Variants in FCHO2 observed in about 807,000 individuals in gnomAD.
FCHO2 encodes the protein FCH and mu domain containing endocytic adaptor 2.
In FCHO2, 43 loss-of-function variants were observed where a neutral mutation model predicts 114.1. That is an observed-to-expected ratio of 0.38 (90% CI 0.30 to 0.49). The LOEUF (loss-of-function observed/expected upper bound fraction) is 0.49. Among genes scored for constraint, FCHO2 ranks in the 20% least tolerant of loss-of-function variants. The pLI is 0.97. For synonymous variants in FCHO2, 293 were observed against 315.2 expected, an observed-to-expected ratio of 0.93 and a Z score of 0.75; for missense variants, 807 against 950.4, an observed-to-expected ratio of 0.85 and a Z score of 1.98.
intron 2 of FCHO2, among the ~76,000 whole-genome samples, chr5:72,989,045 C>T (rs1753688685): frequency 6.6e-6 from 1 of 151,892 alleles, no homozygotes; most frequent in Admixed American, 6.6e-5. Flanking sequence ...CCCATCTCTA[C>T]AAAAAAATAC....
chr5:73,039,722 G>C (rs760430086), intron 10 of FCHO2, among the ~76,000 whole-genome samples: 1 of 151,374 alleles, frequency 6.6e-6, no homozygotes, highest in Non-Finnish European at 1.5e-5. Flanking sequence ...GAGGTCAGGA[G>C]TTCAAGACCA....
chr5:73,087,991 A>T, intron 25 of FCHO2, 77 bp from the exon 26 acceptor site: 1 of 1,582,554 alleles, frequency 6.3e-7, no homozygotes, highest in Non-Finnish European at 8.6e-7. Context: ...AGAGTTTTGT[A>T]TTGGTAACCA....
intron 8 of FCHO2, among the ~76,000 whole-genome samples, chr5:73,025,393 T>C (rs924023412): frequency 6.6e-5 from 10 of 150,926 alleles, no homozygotes; most frequent in Middle Eastern, 3.4e-3. Flanking sequence ...TTTTTTTTTT[T>C]TTGAGATGGA....
At chr5:73,012,551 A>G (rs995406211) in intron 6 of FCHO2, among the ~76,000 whole-genome samples, 3 of 150,662 alleles carry the variant, frequency 2.0e-5, no homozygotes, top group Admixed American at 1.3e-4. Context: ...CCCATGAGGC[A>G]GAGGTTGCAG....
intron 6 of FCHO2, among the ~76,000 whole-genome samples, chr5:73,008,828 G>A (rs1754850888): frequency 6.6e-6 from 1 of 152,112 alleles, no homozygotes; most frequent in Admixed American, 6.5e-5. Context: ...GATCCTGCTG[G>A]TAGTATTATG....
At chr5:72,958,018 C>CT (rs1465025038) in intron 1 of FCHO2, among the ~76,000 whole-genome samples, 1 of 148,240 alleles carries the variant, frequency 6.7e-6, no homozygotes, top group Non-Finnish European at 1.5e-5. Context: ...ATTGGGTTGT[C>CT]TTTTTTTATA....
At chr5:72,970,790 G>A (rs573580094) in intron 2 of FCHO2, among the ~76,000 whole-genome samples, 4 of 151,842 alleles carry the variant, frequency 2.6e-5, no homozygotes, top group South Asian at 2.1e-4. Context: ...GTGCTGGTGC[G>A]CTGCACCCAC....
rs180971271 is a variant in FCHO2 at position 72,969,146 on chromosome 5, A to G, written c.125+557A>G. Reference sequence around the variant, plus strand: ...TCAAAAGCTGCTATCCTACTAACTTAAAGCTATTTTGTGGCTACCCCAACT... The same window carrying G: ...TCAAAAGCTGCTATCCTACTAACTTGAAGCTATTTTGTGGCTACCCCAACT... On this transcript the variant is annotated intron_variant, in intron 2 of 25. Coordinates refer to ENST00000430046, the MANE Select transcript of FCHO2 (RefSeq NM_138782.3). Among the ~76,000 whole-genome samples, 9 of 152,346 alleles carry G rather than the reference A, an allele frequency of 5.9e-5. No homozygotes were observed. In the East Asian group the frequency reaches 1.7e-3, roughly 29 times the overall value.
At chr5:72,989,865 AC>A in intron 3 of FCHO2, among the ~76,000 whole-genome samples, 1 of 152,016 alleles carries the variant, frequency 6.6e-6, no homozygotes, top group South Asian at 2.1e-4. Context: ...CTTAAGATAA[AC>A]TTTATTGAAA....
At chr5:73,012,437 G>A (rs1211833597) in intron 6 of FCHO2, among the ~76,000 whole-genome samples, 2 of 151,866 alleles carry the variant, frequency 1.3e-5, no homozygotes, top group Non-Finnish European at 2.9e-5. Context: ...ACTGGCCAAC[G>A]TGGTGAAACT....
At chr5:73,035,509 T>C (rs1248466209) in intron 9 of FCHO2, among the ~76,000 whole-genome samples, 1 of 152,070 alleles carries the variant, frequency 6.6e-6, no homozygotes, top group African/African-American at 2.4e-5. Flanking sequence ...CTCTTCTGTT[T>C]TTATTTTTTG....
intron 8 of FCHO2, among the ~76,000 whole-genome samples, chr5:73,027,158 T>G (rs1342888162): frequency 6.6e-6 from 1 of 151,980 alleles, no homozygotes; most frequent in Non-Finnish European, 1.5e-5. Flanking sequence ...TTTGTATATC[T>G]TTTTATATTC....
At chr5:72,964,866 A>G (rs1752104907) in intron 1 of FCHO2, among the ~76,000 whole-genome samples, 1 of 152,204 alleles carries the variant, frequency 6.6e-6, no homozygotes, top group Admixed American at 6.5e-5. Flanking sequence ...ATTAAATGGA[A>G]AATTCCAGAA....
intron 5 of FCHO2, among the ~76,000 whole-genome samples, chr5:73,004,132 A>G (rs2112709100): frequency 6.6e-6 from 1 of 151,804 alleles, no homozygotes; most frequent in South Asian, 2.1e-4. Context: ...AAATACAGGT[A>G]TTAGAAGAAC....
chr5:73,086,053 C>T (rs1235386359), intron 24 of FCHO2, among the ~76,000 whole-genome samples: 2 of 151,188 alleles, frequency 1.3e-5, no homozygotes, highest in East Asian at 1.9e-4. Flanking sequence ...ACCCAGGAGG[C>T]GGAGGTTGCA....
At chr5:73,007,207 A>T (rs1754763113) in intron 6 of FCHO2, among the ~76,000 whole-genome samples, 1 of 152,170 alleles carries the variant, frequency 6.6e-6, no homozygotes, top group Admixed American at 6.5e-5. Flanking sequence ...CAGAAATCTC[A>T]GTGGCTTACA....
chr5:73,035,080 T>C (rs968270257), intron 9 of FCHO2, among the ~76,000 whole-genome samples: 2 of 152,184 alleles, frequency 1.3e-5, no homozygotes, highest in African/African-American at 4.8e-5. Flanking sequence ...TAATGTGTAG[T>C]GCTAATTGTA....
chr5:73,087,648 C>G lies in FCHO2; in HGVS notation c.2305C>G (p.Leu769Val). 2 of 1,613,932 alleles carry G rather than the reference C, an allele frequency of 1.2e-6. No homozygotes were observed. Among genetic ancestry groups the G allele is most frequent in the East Asian group, 2.2e-5 (1 of 44,868 alleles). The change falls in exon 25 of 26, where the codon CTT (leucine) becomes GTT (valine). Residue 769 changes from leucine to valine, a missense_variant. Transcript: ENST00000430046. ...AGAAGGACCTAGTAAACCCACGACA[C>G]TTGCAGTACAATTCCTCAGCGAGGG... ...LSEGPSKPTT[L>V]AVQFLSEGST...
intron 1 of FCHO2, among the ~76,000 whole-genome samples, chr5:72,960,790 C>G (rs546035625): frequency 6.6e-6 from 1 of 152,220 alleles, no homozygotes; most frequent in African/African-American, 2.4e-5. Context: ...GTAAAACATA[C>G]CTGAGTTGAA....
Sources: allele counts gnomAD v4.1 joint callset (sites outside exome capture counted in the v4.1 genomes callset), GRCh38; gene constraint gnomAD v4.1.1; transcripts MANE v1.5; gene names NCBI Gene and HGNC (gene_info 2026-07-23, HGNC 2026-07-21).